Variants in PPP2R5A observed in about 807,000 individuals in gnomAD.
PPP2R5A encodes the protein protein phosphatase 2 regulatory subunit B'alpha, also known as serine/threonine-protein phosphatase 2A 56 kDa regulatory subunit alpha isoform.
Under a neutral mutation model 64.2 loss-of-function variants are expected in PPP2R5A, and 25 were observed. The observed-to-expected ratio is 0.39, with a 90% CI of 0.28 to 0.54. The LOEUF (loss-of-function observed/expected upper bound fraction) is 0.54, where lower values mean the gene tolerates loss of function less well. Ranked by LOEUF, PPP2R5A falls within the 20% of genes least tolerant of loss-of-function variation. PPP2R5A has a pLI of 0.67. For synonymous variants in PPP2R5A, 198 were observed against 201.2 expected, an observed-to-expected ratio of 0.98 and a Z score of 0.13; for missense variants, 425 against 576.3, an observed-to-expected ratio of 0.74 and a Z score of 2.69.
chr1:212,333,656 A>T, intron 3 of PPP2R5A, 58 bp downstream of exon 3: 1 of 991,068 alleles, frequency 1.0e-6, no homozygotes, highest in Non-Finnish European at 1.4e-6. Flanking sequence ...TGCAGAAATC[A>T]TGGTTTTCTC....
chr1:212,348,461 G>A lies in PPP2R5A; in HGVS notation c.837G>A (p.Met279Ile). 1 of 1,605,358 alleles carries A rather than the reference G, an allele frequency of 6.2e-7. No homozygotes were observed. The highest frequency in any genetic ancestry group is 8.5e-7 in the Non-Finnish European group (1 of 1,173,536). Residue 279 changes from methionine to isoleucine, a missense_variant, in exon 7 of 13, where the codon ATG becomes ATA. Physicochemically the swap from Met to Ile is conservative, Grantham distance 10. This residue lies in a region of PPP2R5A where 177 missense variants were observed against 244.8 expected (regional missense o/e 0.72). Transcript: ENST00000261461. ...KQFLMKVLIP[M>I]HTAKGLALFH... is the part of the protein sequence containing the mutation. ...TTCTAATGAAGGTTCTTATTCCTAT[G>A]CATACTGCAAAAGGATTAGCTTTGT...
At chr1:212,330,596 G>C (rs1011478988) in intron 2 of PPP2R5A, among the ~76,000 whole-genome samples, 1 of 151,430 alleles carries the variant, frequency 6.6e-6, no homozygotes, top group Non-Finnish European at 1.5e-5. Context: ...GAGAGTCGCT[G>C]AGTACATAAT....
At chr1:212,316,962 G>A (rs1342151) in intron 1 of PPP2R5A, among the ~76,000 whole-genome samples, 10,283 of 152,096 alleles carry the variant, frequency 0.068, 1,131 homozygotes, top group African/African-American at 0.23. Flanking sequence ...TGGGATGGTA[G>A]ACTCTTCAGC....
At chr1:212,355,917 TA>T (rs1045618708) in intron 8 of PPP2R5A, among the ~76,000 whole-genome samples, 2 of 152,002 alleles carry the variant, frequency 1.3e-5, no homozygotes, top group African/African-American at 4.8e-5. Flanking sequence ...ATACAAAAAT[TA>T]GCTGGGTGTG....
At chr1:212,327,974 C>A (rs1398897945) in intron 1 of PPP2R5A, among the ~76,000 whole-genome samples, 1 of 152,022 alleles carries the variant, frequency 6.6e-6, no homozygotes, top group Non-Finnish European at 1.5e-5. Context: ...GCCACCATGC[C>A]CGGATAATTT....
At chr1:212,332,900 T>A (rs1435870617) in intron 2 of PPP2R5A, among the ~76,000 whole-genome samples, 2 of 149,366 alleles carry the variant, frequency 1.3e-5, no homozygotes, top group Non-Finnish European at 2.9e-5. Flanking sequence ...TTTATTTTTT[T>A]ATTTTTATTT....
At chr1:212,295,026 A>T (rs796162400) in intron 1 of PPP2R5A, among the ~76,000 whole-genome samples, 12 of 152,378 alleles carry the variant, frequency 7.9e-5, no homozygotes, top group African/African-American at 2.9e-4. Flanking sequence ...GTTACATTCT[A>T]TATCTCTGTG....
intron 1 of PPP2R5A, among the ~76,000 whole-genome samples, chr1:212,327,521 T>C (rs1176294505): frequency 2.0e-5 from 3 of 151,978 alleles, no homozygotes; most frequent in Non-Finnish European, 4.4e-5. Context: ...TTCCAGTGAT[T>C]CTCCTTCCTC....
intron 1 of PPP2R5A, among the ~76,000 whole-genome samples, chr1:212,295,312 G>A (rs1658671852): frequency 1.3e-5 from 2 of 152,148 alleles, no homozygotes; most frequent in African/African-American, 2.4e-5. Context: ...TTCTAACTTG[G>A]GCAACTGGAT....
At chr1:212,318,743 A>G (rs1558145562) in intron 1 of PPP2R5A, among the ~76,000 whole-genome samples, 1 of 152,228 alleles carries the variant, frequency 6.6e-6, no homozygotes, top group Non-Finnish European at 1.5e-5. Context: ...GACTATGTAG[A>G]GACTTTTTTT....
At chr1:212,327,104 T>A (rs1409326765) in intron 1 of PPP2R5A, among the ~76,000 whole-genome samples, 1 of 152,196 alleles carries the variant, frequency 6.6e-6, no homozygotes, top group Non-Finnish European at 1.5e-5. Context: ...AGCATAGGCA[T>A]TCTTGATTAG....
At chr1:212,322,574 A>G (rs1659327419) in intron 1 of PPP2R5A, among the ~76,000 whole-genome samples, 1 of 152,160 alleles carries the variant, frequency 6.6e-6, no homozygotes, top group Admixed American at 6.5e-5. Flanking sequence ...TCTTGAACCT[A>G]CAAGTAGGCC....
intron 1 of PPP2R5A, chr1:212,319,429 C>T (rs1209275374): frequency 6.6e-6 from 1 of 152,172 alleles, no homozygotes; most frequent in Non-Finnish European, 1.5e-5. Context: ...TGGACGTTAT[C>T]ATCCGTAGTG....
chr1:212,352,436 T>G (rs938193441), intron 8 of PPP2R5A, among the ~76,000 whole-genome samples: 13 of 151,364 alleles, frequency 8.6e-5, no homozygotes, highest in African/African-American at 2.4e-4. Flanking sequence ...CATTTGGGTT[T>G]GTTTGTTTGT....
In PPP2R5A at chr1:212,360,758, A is replaced by G. The variant is rs755113064; in HGVS notation, c.1449A>G (p.Thr483=). The change falls in exon 13 of 13, where the codon ACA becomes ACG. Residue 483 remains threonine (T), a synonymous_variant. Coordinates refer to ENST00000261461, the MANE Select transcript of PPP2R5A (RefSeq NM_006243.4). The part of the protein sequence containing the change: ...AYNMHSILSN[T]SAE ...ACATGCACAGTATTCTCAGCAATAC[A>G]AGTGCCGAATAAAAAAAAAGCCTCC... is the stretch of plus-strand genomic sequence containing the variant. The G allele has an allele frequency of 1.3e-6, 2 of 1,526,896 alleles. No individual in the cohort carries two copies. The highest frequency in any genetic ancestry group is 8.7e-7 in the Non-Finnish European group (1 of 1,144,764). 94.6% of individuals were successfully genotyped at this position (1,526,896 alleles called of 1,614,324 possible).
At chr1:212,296,915 G>A (rs111498415) in intron 1 of PPP2R5A, among the ~76,000 whole-genome samples, 4 of 152,014 alleles carry the variant, frequency 2.6e-5, no homozygotes, top group East Asian at 1.9e-4. Context: ...TTCTTATGCC[G>A]GTCATGTATG....
chr1:212,354,783 A>G (rs1043999038), intron 8 of PPP2R5A, among the ~76,000 whole-genome samples: 7 of 152,190 alleles, frequency 4.6e-5, no homozygotes, highest in East Asian at 1.9e-4. Flanking sequence ...TGGTGATCCC[A>G]TAAGATTATA....
At position 212,313,030 on chromosome 1, in the gene PPP2R5A, C is replaced by T. The variant is rs1659067850; in HGVS notation, c.182-16105C>T. ...CTGTATAGTTGCCTTCTGTTTAGTA[C>T]TTTCCTATGCAAATCCTAGCCACCT... On this transcript the variant is annotated intron_variant, in intron 1 of 12. Coordinates refer to ENST00000261461, the MANE Select transcript of PPP2R5A (RefSeq NM_006243.4). 2.0e-5 allele frequency among the ~76,000 whole-genome samples: 3 copies of T among 152,138 alleles called. No homozygotes were observed. The South Asian group carries it at 6.2e-4, about 31-fold the overall frequency.
At position 212,313,099 on chromosome 1, in the gene PPP2R5A, T is replaced by C. The variant is rs545468871; in HGVS notation, c.182-16036T>C. Among the ~76,000 whole-genome samples, 320 of 152,318 alleles carry C rather than the reference T, an allele frequency of 2.1e-3. 1 individual carries two copies. Among genetic ancestry groups the C allele is most frequent in the Middle Eastern group, 0.01 (3 of 294 alleles). ...TCTTTATTTTGCTCATTAAATCTGT[T>C]GTTCTTTTAGGGTTTCTTTTTCCTG... On this transcript the variant is annotated intron_variant, in intron 1 of 12. Transcript: ENST00000261461.
Sources: gnomAD v4.1 joint callset for allele counts (sites outside exome capture counted in the v4.1 genomes callset) on GRCh38, gnomAD v4.1.1 for gene constraint, gnomAD v4.1.1 regional missense constraint, MANE v1.5 for transcripts, NCBI Gene and HGNC (gene_info 2026-07-23, HGNC 2026-07-21) for gene names.